The following LUZP2 variants were observed in gnomAD, a reference collection of about 807,000 sequenced individuals.
LUZP2 encodes the protein leucine zipper protein 2.
A neutral mutation model predicts 51.6 loss-of-function variants in LUZP2; 52 were observed. The ratio of observed to expected loss-of-function variants is 1.01; its 90% CI spans 0.81 to 1.27. LUZP2 has a LOEUF of 1.27. LUZP2 is among the 50% of genes most tolerant of loss of function. LUZP2 has a pLI of 0.00. For missense variants in LUZP2, 436 were observed against 395.4 expected (o/e 1.10, Z -0.87); for synonymous variants, 154 against 137.3 (o/e 1.12, Z -0.85).
At chr11:24,633,962 G>GTATATATA (rs753189196) in intron 1 of LUZP2, among the ~76,000 whole-genome samples, 173 of 141,016 alleles carry the variant, frequency 1.2e-3, no homozygotes, top group Middle Eastern at 3.8e-3. Context: ...GTGTGTGTGT[G>GTATATATA]TGTATATATA....
At chr11:24,515,546 A>T (rs1203145031) in intron 1 of LUZP2, among the ~76,000 whole-genome samples, 1 of 152,178 alleles carries the variant, frequency 6.6e-6, no homozygotes, top group Non-Finnish European at 1.5e-5. Flanking sequence ...GGAGACAAAA[A>T]GTGCAAAGAG....
intron 9 of LUZP2, among the ~76,000 whole-genome samples, chr11:25,039,282 G>A (rs1295730377): frequency 6.6e-6 from 1 of 152,114 alleles, no homozygotes; most frequent in African/African-American, 2.4e-5. Context: ...TACACTGGGG[G>A]ATGCAAAAGG....
chr11:24,864,791 C>T lies in LUZP2; in HGVS notation c.397-41200C>T, dbSNP rs574005011. ...TTCATAAGTCCCACTCCTCAAGGTA[C>T]GGAGAACTAAGAGTCATGAAGAGGT... On this transcript the variant is annotated intron_variant, in intron 5 of 11. Transcript: ENST00000336930. 5.7e-4 allele frequency among the ~76,000 whole-genome samples: 86 copies of T among 152,196 alleles called. No homozygotes were observed. In the South Asian group the frequency reaches 0.012, roughly 21 times the overall value.
chr11:24,699,663 A>G (rs1590365275), intron 1 of LUZP2, among the ~76,000 whole-genome samples: 1 of 147,644 alleles, frequency 6.8e-6, no homozygotes, highest in Non-Finnish European at 1.5e-5. Context: ...CCATATATAT[A>G]TATACACACA....
intron 1 of LUZP2, among the ~76,000 whole-genome samples, chr11:24,653,622 A>C (rs911093113): frequency 2.0e-5 from 3 of 152,180 alleles, no homozygotes; most frequent in Non-Finnish European, 4.4e-5. Flanking sequence ...CATAAGAGTG[A>C]ACAGAATAGG....
At chr11:24,892,585 C>A in intron 5 of LUZP2, 1 of 382,144 alleles carries the variant, frequency 2.6e-6, no homozygotes, top group Non-Finnish European at 3.6e-6. Context: ...TATTTCTAGT[C>A]AAGTGCTAAT....
At chr11:24,716,123 A>G (rs1858031592) in intron 1 of LUZP2, among the ~76,000 whole-genome samples, 1 of 152,208 alleles carries the variant, frequency 6.6e-6, no homozygotes, top group Non-Finnish European at 1.5e-5. Flanking sequence ...TAAAAAATAA[A>G]ATGAAGCTAT....
chr11:24,743,417 G>C (rs1401301054), intron 4 of LUZP2, among the ~76,000 whole-genome samples: 1 of 151,824 alleles, frequency 6.6e-6, no homozygotes, highest in Non-Finnish European at 1.5e-5. Context: ...CCTTGGTTAG[G>C]TATATTCCTA....
intron 5 of LUZP2, among the ~76,000 whole-genome samples, chr11:24,863,437 G>T (rs1213359320): frequency 2.6e-5 from 4 of 152,062 alleles, no homozygotes; most frequent in South Asian, 2.1e-4. Flanking sequence ...CCAAGTGAAA[G>T]AATCCATTCA....
At chr11:24,780,729 C>T (rs1354297802) in intron 5 of LUZP2, among the ~76,000 whole-genome samples, 3 of 152,090 alleles carry the variant, frequency 2.0e-5, no homozygotes, top group African/African-American at 7.2e-5. Flanking sequence ...TCTTGTTTGT[C>T]TGTTCATTTT....
intron 9 of LUZP2, among the ~76,000 whole-genome samples, chr11:25,041,592 A>G (rs1470188607): frequency 1.3e-5 from 2 of 152,202 alleles, no homozygotes; most frequent in Non-Finnish European, 2.9e-5. Flanking sequence ...AATTGATTAT[A>G]TACGTATATA....
At position 24,526,544 on chromosome 11, in the gene LUZP2, A is replaced by G. The variant is rs113889261; in HGVS notation, c.62+29239A>G. ...ATCAATGTTTATTTAGTCTGGATCT[A>G]TGATCACAAAATTATGTTTCTTTTC... On this transcript the variant is annotated intron_variant, in intron 1 of 11. Transcript: ENST00000336930. Among the ~76,000 whole-genome samples the G allele has an allele frequency of 9.2e-4, 139 of 151,224 alleles. 1 individual carries two copies. Among genetic ancestry groups the G allele is most frequent in the African/African-American group, 3.3e-3 (135 of 41,340 alleles).
chr11:24,723,705 C>T (rs1195967247), intron 1 of LUZP2, among the ~76,000 whole-genome samples: 2 of 152,022 alleles, frequency 1.3e-5, no homozygotes, highest in African/African-American at 4.8e-5. Context: ...GTGATGTGTG[C>T]CTATAGTTCC....
Position 25,082,406 on chromosome 11 carries a change from A to C in LUZP2, c.*3748A>C, listed in dbSNP as rs1360837386. The C allele has an allele frequency of 2.0e-5, 3 of 152,608 alleles. No homozygotes were observed. Among genetic ancestry groups the C allele is most frequent in the Non-Finnish European group, 4.4e-5 (3 of 68,014 alleles). 9.5% of individuals were successfully genotyped at this position (152,608 alleles called of 1,614,324 possible). On this transcript the variant is annotated 3_prime_UTR_variant, in exon 12 of 12. Transcript: ENST00000336930. The stretch of plus-strand genomic sequence containing the variant: ...AGCACTAATTGCAGCAGAGACTGAA[A>C]TAATTATTGACACCGTAGAGTACCA...
intron 7 of LUZP2, among the ~76,000 whole-genome samples, chr11:24,927,538 C>T (rs1854316080): frequency 6.6e-6 from 1 of 152,002 alleles, no homozygotes; most frequent in African/African-American, 2.4e-5. Flanking sequence ...TGTCAAAGAT[C>T]AGTTGACTGT....
intron 7 of LUZP2, among the ~76,000 whole-genome samples, chr11:24,957,798 C>A (rs566216573): frequency 1.1e-3 from 173 of 152,074 alleles, no homozygotes; most frequent in African/African-American, 4.0e-3. Flanking sequence ...TACATGTGCA[C>A]AATGTGCAGG....
At chr11:24,939,177 C>A (rs1276666585) in intron 7 of LUZP2, among the ~76,000 whole-genome samples, 1 of 151,862 alleles carries the variant, frequency 6.6e-6, no homozygotes, top group African/African-American at 2.4e-5. Flanking sequence ...CACTAGCTTC[C>A]TAGTATTTCC....
chr11:24,794,459 C>G (rs934808063), intron 5 of LUZP2, among the ~76,000 whole-genome samples: 5 of 152,080 alleles, frequency 3.3e-5, no homozygotes, highest in Non-Finnish European at 4.4e-5. Context: ...ATTGCCATTC[C>G]TTGAAGGCGA....
chr11:24,782,072 T>C (rs530360832), intron 5 of LUZP2, among the ~76,000 whole-genome samples: 208 of 152,174 alleles, frequency 1.4e-3, no homozygotes, highest in African/African-American at 4.8e-3. Flanking sequence ...TTCTTTAATA[T>C]GTAGATTTCT....
Sources: allele counts gnomAD v4.1 joint callset (sites outside exome capture counted in the v4.1 genomes callset), GRCh38; gene constraint gnomAD v4.1.1; transcripts MANE v1.5; gene names NCBI Gene and HGNC (gene_info 2026-07-23, HGNC 2026-07-21).